CLDN1: variants seen among roughly 807,000 people sequenced by gnomAD.
CLDN1 encodes the protein claudin 1, also known as claudin-1.
In CLDN1, 12 loss-of-function variants were observed where a neutral mutation model predicts 22.6. The ratio of observed to expected loss-of-function variants is 0.53; its 90% CI spans 0.34 to 0.86. CLDN1 has a LOEUF of 0.86. Among genes scored for constraint, CLDN1 ranks in the 40% least tolerant of loss-of-function variants. The pLI is 0.02. For synonymous variants in CLDN1, 99 were observed against 103.8 expected (o/e 0.95, Z 0.28); for missense variants, 250 against 269.5 (o/e 0.93, Z 0.51).
chr3:190,308,240 G>T lies in CLDN1; in HGVS notation c.*37C>A, dbSNP rs754463416. 1.2e-6 allele frequency: 2 copies of T among 1,611,636 alleles called. No homozygotes were observed. Among genetic ancestry groups the T allele is most frequent in the South Asian group, 2.2e-5 (2 of 90,982 alleles). The stretch of plus-strand genomic sequence containing the variant: ...GATAGTATCTCAATGTCCATTTTCG[G>T]TTTGTTTCAACATGATTTTCTCCTT... On this transcript the variant is annotated 3_prime_UTR_variant, in exon 4 of 4. Coordinates refer to ENST00000295522, the MANE Select transcript of CLDN1 (RefSeq NM_021101.5).
At chr3:190,317,917 G>T (rs558299900) in intron 1 of CLDN1, among the ~76,000 whole-genome samples, 5 of 152,278 alleles carry the variant, frequency 3.3e-5, no homozygotes, top group African/African-American at 9.6e-5. Flanking sequence ...ATCTGTAGTT[G>T]CTTAATAAGT....
At chr3:190,314,711 C>T (rs367974668) in intron 1 of CLDN1, among the ~76,000 whole-genome samples, 1 of 152,076 alleles carries the variant, frequency 6.6e-6, no homozygotes, top group Non-Finnish European at 1.5e-5. Context: ...GCCATAATCT[C>T]TTTCTAAAAA....
intron 1 of CLDN1, chr3:190,313,256 C>A: frequency 3.6e-6 from 2 of 555,004 alleles, no homozygotes; most frequent in South Asian, 4.4e-5. Flanking sequence ...GATCCCTCCA[C>A]TCCAATATTT....
chr3:190,318,479 G>A (rs926771418), intron 1 of CLDN1, among the ~76,000 whole-genome samples: 2 of 152,122 alleles, frequency 1.3e-5, no homozygotes, highest in African/African-American at 4.8e-5. Context: ...GCTTGCATCT[G>A]TTGAATGGAT....
chr3:190,311,474 T>A (rs1044384697), intron 2 of CLDN1, among the ~76,000 whole-genome samples: 1 of 152,194 alleles, frequency 6.6e-6, no homozygotes, highest in African/African-American at 2.4e-5. Flanking sequence ...CCTCAATTAC[T>A]GGTTAAACTG....
intron 1 of CLDN1, among the ~76,000 whole-genome samples, chr3:190,318,357 G>A (rs1210019643): frequency 6.6e-6 from 1 of 152,130 alleles, no homozygotes; most frequent in Non-Finnish European, 1.5e-5. Context: ...TAAGCTATGT[G>A]ACTTGCCTCT....
intron 2 of CLDN1, among the ~76,000 whole-genome samples, chr3:190,311,967 T>TC (rs1245350721): frequency 1.3e-5 from 2 of 151,676 alleles, no homozygotes; most frequent in Admixed American, 1.3e-4. Context: ...TTTTCTTTTT[T>TC]TTTTAGACAG....
At position 190,308,192 on chromosome 3, in the gene CLDN1, A is replaced by C. The variant is rs1716510298; in HGVS notation, c.*85T>G. On this transcript the variant is annotated 3_prime_UTR_variant, in exon 4 of 4. Transcript: ENST00000295522. ...CCATACTTCAGATTACAATACCCAA[A>C]ATTCTAAGGTCCTAATGTTAATGAT... The C allele has an allele frequency of 6.6e-7, 1 of 1,522,498 alleles. No individual in the cohort carries two copies. Among genetic ancestry groups the C allele is most frequent in the Admixed American group, 1.7e-5 (1 of 59,768 alleles). 94.3% of individuals were successfully genotyped at this position (1,522,498 alleles called of 1,614,324 possible). A position where few individuals can be genotyped will look rare whatever the true frequency, so the allele number is the denominator to read the frequency against.
chr3:190,311,601 AT>A (rs147057112), intron 2 of CLDN1, among the ~76,000 whole-genome samples: 8 of 151,222 alleles, frequency 5.3e-5, no homozygotes, highest in East Asian at 1.9e-4. Flanking sequence ...TATATCTGTT[AT>A]TTTTTTAAAA....
intron 1 of CLDN1, among the ~76,000 whole-genome samples, chr3:190,313,916 C>T (rs1239318583): frequency 2.0e-5 from 3 of 152,068 alleles, no homozygotes; most frequent in East Asian, 3.9e-4. Context: ...GGCATAAAGG[C>T]ACAGATTTTT....
At chr3:190,312,016 C>T (rs1410059097) in intron 2 of CLDN1, among the ~76,000 whole-genome samples, 2 of 150,624 alleles carry the variant, frequency 1.3e-5, no homozygotes, top group South Asian at 2.1e-4. Context: ...GGTGCGATCT[C>T]GGCTCCCGAG....
At chr3:190,315,060 G>T (rs1045424433) in intron 1 of CLDN1, among the ~76,000 whole-genome samples, 3 of 152,188 alleles carry the variant, frequency 2.0e-5, no homozygotes, top group Non-Finnish European at 2.9e-5. Context: ...CATGGTTAAG[G>T]TATGTCCTCT....
Position 190,308,303 on chromosome 3 carries a change from G to T in CLDN1, c.610C>A (p.Pro204Thr), listed in dbSNP as rs755758248. 11 of 1,613,694 alleles carry T rather than the reference G, an allele frequency of 6.8e-6. No homozygotes were observed. The highest frequency in any genetic ancestry group is 2.7e-5 in the African/African-American group (2 of 74,860). ...PTPRPYPKPAPSSGKDYV is the reference protein window; with the variant it reads ...PTPRPYPKPATSSGKDYV ...CACACGTAGTCTTTCCCGCTGGAAGGTGCAGGTTTTGGATAGGGCCTTGGT... is the reference window on the plus strand; with the variant it reads ...CACACGTAGTCTTTCCCGCTGGAAGTTGCAGGTTTTGGATAGGGCCTTGGT... The change falls in exon 4 of 4, where the codon CCT (proline) becomes ACT (threonine). Residue 204 changes from proline to threonine, a missense_variant. Coordinates refer to ENST00000295522, the MANE Select transcript of CLDN1 (RefSeq NM_021101.5).
intron 3 of CLDN1, among the ~76,000 whole-genome samples, chr3:190,308,964 G>C (rs551791217): frequency 6.6e-6 from 1 of 152,282 alleles, no homozygotes; most frequent in East Asian, 1.9e-4. Context: ...TCTGGATTAA[G>C]CTGATCCAGG....
At chr3:190,315,508 A>G (rs1181241708) in intron 1 of CLDN1, among the ~76,000 whole-genome samples, 1 of 152,220 alleles carries the variant, frequency 6.6e-6, no homozygotes, top group Non-Finnish European at 1.5e-5. Context: ...GATTATCTTG[A>G]GAAAGGGGCG....
At chr3:190,309,689 A>C (rs1716559590) in intron 3 of CLDN1, among the ~76,000 whole-genome samples, 1 of 152,238 alleles carries the variant, frequency 6.6e-6, no homozygotes, top group Non-Finnish European at 1.5e-5. Flanking sequence ...GTATCTGAAC[A>C]TACTAAAAAC....
chr3:190,312,918 C>G lies in CLDN1; in HGVS notation c.342G>C (p.Gln114His). 3.1e-6 allele frequency: 5 copies of G among 1,614,200 alleles called. No homozygotes were observed. Among genetic ancestry groups the G allele is most frequent in the Non-Finnish European group, 4.2e-6 (5 of 1,180,026 alleles). The change falls in exon 2 of 4, where the codon CAG becomes CAC. Residue 114 changes from glutamine (Q) to histidine (H), a missense_variant. Physicochemically the swap from Gln to His is conservative, Grantham distance 24. Coordinates refer to ENST00000295522, the MANE Select transcript of CLDN1 (RefSeq NM_021101.5). ...CCCCAATGACAGCCATCCTCATCTT[C>G]TGCACCTCATCGTCTTCCAAGCACT... ...CMKCLEDDEV[Q>H]KMRMAVIGGA...
chr3:190,322,011 C>G lies in CLDN1; in HGVS notation c.196G>C (p.Val66Leu). 6.2e-7 allele frequency: 1 copy of G among 1,614,216 alleles called. No homozygotes were observed. The highest frequency in any genetic ancestry group is 8.5e-7 in the Non-Finnish European group (1 of 1,180,038). ...SQSTGQIQCK[V>L]FDSLLNLSST... ...CTCAGATTCAGCAAGGAGTCAAAGA[C>G]TTTGCACTGGATCTGCCCGGTGCTC... is the stretch of plus-strand genomic sequence containing the variant. Residue 66 changes from valine to leucine, a missense_variant, in exon 1 of 4, where the codon GTC (valine) becomes CTC (leucine). Transcript: ENST00000295522.
chr3:190,322,423 G>C lies in CLDN1; in HGVS notation c.-217C>G. On this transcript the variant is annotated 5_prime_UTR_variant, in exon 1 of 4. Coordinates refer to ENST00000295522, the MANE Select transcript of CLDN1 (RefSeq NM_021101.5). The stretch of plus-strand genomic sequence containing the variant: ...AGTCTGGATACTAGAAGCTGCGGTT[G>C]CTCCCAGGCTCGGGAACTGAGACGC... The C allele has an allele frequency of 1.7e-6, 1 of 589,808 alleles. No individual in the cohort carries two copies. Among genetic ancestry groups the C allele is most frequent in the Non-Finnish European group, 3.0e-6 (1 of 329,786 alleles). 36.5% of individuals were successfully genotyped at this position (589,808 alleles called of 1,614,324 possible).
Sources: allele counts gnomAD v4.1 joint callset (sites outside exome capture counted in the v4.1 genomes callset), GRCh38; gene constraint gnomAD v4.1.1; transcripts MANE v1.5; gene names NCBI Gene and HGNC (gene_info 2026-07-23, HGNC 2026-07-21).